The following HDAC4 variants were observed in gnomAD, a reference collection of about 807,000 sequenced individuals.
HDAC4 encodes the protein histone deacetylase 4.
HDAC4 carries 16 observed loss-of-function variants against 135.1 expected under a neutral mutation model. The ratio of observed to expected loss-of-function variants is 0.12; its 90% CI spans 0.08 to 0.18. The LOEUF is 0.18. Among genes scored for constraint, HDAC4 ranks in the 10% least tolerant of loss-of-function variants. The pLI, the probability that HDAC4 is intolerant of heterozygous loss-of-function variation, is 1.00. For synonymous variants in HDAC4, 685 were observed against 653.4 expected, an observed-to-expected ratio of 1.05 and a Z score of -0.74; for missense variants, 1,143 against 1,511.8, an observed-to-expected ratio of 0.76 and a Z score of 4.05.
intron 9 of HDAC4, among the ~76,000 whole-genome samples, chr2:239,135,886 T>TA (rs2040921205): frequency 6.6e-6 from 1 of 152,220 alleles, no homozygotes; most frequent in African/African-American, 2.4e-5. Flanking sequence ...ATAGATCATG[T>TA]ACCTTTTAAA....
At chr2:239,124,807 ACGTTAT>A (rs2040036715) in intron 12 of HDAC4, among the ~76,000 whole-genome samples, 1 of 78,042 alleles carries the variant, frequency 1.3e-5, no homozygotes, top group African/African-American at 4.3e-5. Flanking sequence ...ATGACATTCC[ACGTTAT>A]GTGACATTCC....
At chr2:239,233,164 A>T (rs994413968) in intron 3 of HDAC4, among the ~76,000 whole-genome samples, 1 of 152,274 alleles carries the variant, frequency 6.6e-6, no homozygotes, top group African/African-American at 2.4e-5. Flanking sequence ...CTACTTTACA[A>T]TTAAAATTTT....
chr2:239,105,889 T>G (rs1424973099), intron 15 of HDAC4, among the ~76,000 whole-genome samples: 1 of 151,952 alleles, frequency 6.6e-6, no homozygotes, highest in Non-Finnish European at 1.5e-5. Flanking sequence ...TGACGTCACG[T>G]CCCCCTGGGC....
At chr2:239,193,988 C>A (rs2045191749) in intron 3 of HDAC4, among the ~76,000 whole-genome samples, 1 of 152,220 alleles carries the variant, frequency 6.6e-6, no homozygotes, top group African/African-American at 2.4e-5. Flanking sequence ...ACAACGCAGG[C>A]ACCTGGCCAG....
At chr2:239,229,934 C>A (rs921898360) in intron 3 of HDAC4, among the ~76,000 whole-genome samples, 1 of 152,056 alleles carries the variant, frequency 6.6e-6, no homozygotes, top group African/African-American at 2.4e-5. Context: ...TGCAAATTTC[C>A]CCCCCAAGAG....
intron 2 of HDAC4, among the ~76,000 whole-genome samples, chr2:239,346,682 A>C (rs957260142): frequency 1.3e-5 from 2 of 149,990 alleles, no homozygotes; most frequent in African/African-American, 4.9e-5. Context: ...AAACACACAC[A>C]CTGTCTAAAA....
chr2:239,057,542 C>T (rs1008339264), intron 24 of HDAC4, among the ~76,000 whole-genome samples: 1 of 152,184 alleles, frequency 6.6e-6, no homozygotes, highest in Non-Finnish European at 1.5e-5. Flanking sequence ...AAAGAGGTAG[C>T]CATTAGCCAC....
intron 1 of HDAC4, among the ~76,000 whole-genome samples, chr2:239,359,908 G>A (rs547936385): frequency 6.6e-6 from 1 of 152,338 alleles, no homozygotes; most frequent in South Asian, 2.1e-4. Context: ...AAACCGGCGA[G>A]AACACAGAGT....
At chr2:239,066,481 T>C (rs1179081358) in intron 24 of HDAC4, among the ~76,000 whole-genome samples, 4 of 152,196 alleles carry the variant, frequency 2.6e-5, no homozygotes, top group Admixed American at 2.0e-4. Context: ...CCCTGAGCCA[T>C]CTTCTCACGA....
At chr2:239,356,926 A>G (rs1693526348) in intron 1 of HDAC4, among the ~76,000 whole-genome samples, 1 of 152,242 alleles carries the variant, frequency 6.6e-6, no homozygotes, top group African/African-American at 2.4e-5. Flanking sequence ...ATCTACAATT[A>G]TAACTGGGAA....
At chr2:239,162,841 G>C (rs1026634633) in intron 6 of HDAC4, among the ~76,000 whole-genome samples, 2 of 152,096 alleles carry the variant, frequency 1.3e-5, no homozygotes, top group African/African-American at 4.8e-5. Context: ...GGGGGATCGC[G>C]TCTGAGCTGT....
intron 13 of HDAC4, among the ~76,000 whole-genome samples, chr2:239,113,439 C>T (rs1010492119): frequency 5.3e-5 from 8 of 152,198 alleles, no homozygotes; most frequent in Admixed American, 4.6e-4. Flanking sequence ...AAGCAATCCT[C>T]CCCGACGCGG....
intron 18 of HDAC4, chr2:239,089,735 T>TTC: frequency 2.4e-6 from 1 of 410,262 alleles, no homozygotes; most frequent in Non-Finnish European, 4.4e-6. Flanking sequence ...GAGCTTTTTT[T>TTC]TTTTTTTTAA....
At chr2:239,081,705 T>A (rs1287653085) in intron 21 of HDAC4, among the ~76,000 whole-genome samples, 1 of 152,218 alleles carries the variant, frequency 6.6e-6, no homozygotes, top group Non-Finnish European at 1.5e-5. Flanking sequence ...CCGCTGGGCC[T>A]GCCGTTCCTG....
rs746827249 is a variant in HDAC4 at position 239,115,108 on chromosome 2, C to G, written c.1736G>C (p.Arg579Pro). Residue 579 changes from arginine to proline, a missense_variant, in exon 13 of 27, where the codon CGG (arginine) becomes CCG (proline). Transcript: ENST00000543185. This position sits in a 1 kb window ranked among gnomAD's most constrained non-coding sequence, Gnocchi z 6.3. ...CTGGCGCTGGCCCGGCTCCACCTCC[C>G]GTGGGGGCTCTGCCTCTTCCTCATC... ...ESDEEEAEPP[R>P]EVEPGQRQPS... is the part of the protein sequence containing the mutation. 1 of 1,611,824 alleles carries G rather than the reference C, an allele frequency of 6.2e-7. No homozygotes were observed. Among genetic ancestry groups the G allele is most frequent in the Middle Eastern group, 1.6e-4 (1 of 6,062 alleles).
At chr2:239,165,372 C>T (rs2043060569) in intron 5 of HDAC4, among the ~76,000 whole-genome samples, 1 of 152,168 alleles carries the variant, frequency 6.6e-6, no homozygotes, top group Non-Finnish European at 1.5e-5. Flanking sequence ...TGTGAGGCAC[C>T]CCTGAGCACC....
chr2:239,320,790 A>G (rs1382722224), intron 2 of HDAC4, among the ~76,000 whole-genome samples: 1 of 152,224 alleles, frequency 6.6e-6, no homozygotes, highest in Admixed American at 6.5e-5. Flanking sequence ...TCTTGTTAAG[A>G]CAAGGCCTCT....
chr2:239,338,342 T>C (rs1253060068), intron 2 of HDAC4, among the ~76,000 whole-genome samples: 1 of 152,064 alleles, frequency 6.6e-6, no homozygotes, highest in Non-Finnish European at 1.5e-5. Flanking sequence ...CCTCTACTCG[T>C]TACCCTCTCC....
At chr2:239,347,121 T>G (rs536108528) in intron 2 of HDAC4, among the ~76,000 whole-genome samples, 1 of 103,786 alleles carries the variant, frequency 9.6e-6, no homozygotes, top group Non-Finnish European at 2.6e-5. Context: ...AGACACTTTG[T>G]GGTATTCCTG....
Sources: allele counts gnomAD v4.1 joint callset (sites outside exome capture counted in the v4.1 genomes callset), GRCh38; gene constraint gnomAD v4.1.1; non-coding constraint Gnocchi (gnomAD v3.1); transcripts MANE v1.5; gene names NCBI Gene and HGNC (gene_info 2026-07-23, HGNC 2026-07-21).